UNC13C: variants seen among roughly 807,000 people sequenced by gnomAD.
The protein encoded by UNC13C is protein unc-13 homolog C.
UNC13C carries 174 observed loss-of-function variants against 245.4 expected under a neutral mutation model. The observed-to-expected ratio is 0.71, with a 90% CI of 0.63 to 0.80. UNC13C has a LOEUF of 0.80. Among genes scored for constraint, UNC13C ranks in the 30% least tolerant of loss-of-function variants. UNC13C has a pLI of 0.00. For missense variants in UNC13C, 2,829 were observed against 2,602.9 expected (o/e 1.09, Z -1.89); for synonymous variants, 992 against 895.1 (o/e 1.11, Z -1.93).
chr15:54,493,126 G>A (rs1452614014), intron 19 of UNC13C, among the ~76,000 whole-genome samples: 1 of 152,144 alleles, frequency 6.6e-6, no homozygotes, highest in East Asian at 1.9e-4. Context: ...GGGTAGTATT[G>A]TGTGAAATTT....
In UNC13C at chr15:54,038,099, C is replaced by CATATAT. The variant is rs1399556197; in HGVS notation, c.2983+22234_2983+22239dup. ...ATATGTGTGTGTGTATATACATATACATATATATATATATATATATATATA... is the reference window on the plus strand; with the variant it reads ...ATATGTGTGTGTGTATATACATATACATATATATATATATATATATATATATATATA... On this transcript the variant is annotated intron_variant, in intron 2 of 32. Transcript: ENST00000260323. Among the ~76,000 whole-genome samples the CATATAT allele has an allele frequency of 1.7e-3, 113 of 67,156 alleles. 2 individuals are homozygous for CATATAT. Among genetic ancestry groups the CATATAT allele is most frequent in the Non-Finnish European group, 2.2e-3 (88 of 40,500 alleles). 44.1% of individuals were successfully genotyped at this position (67,156 alleles called of 152,430 possible).
chr15:54,298,820 G>A (rs1432997966), intron 12 of UNC13C, among the ~76,000 whole-genome samples: 1 of 152,094 alleles, frequency 6.6e-6, no homozygotes, highest in Non-Finnish European at 1.5e-5. Flanking sequence ...TTCTTCATGT[G>A]TTTCAAAGTA....
intron 4 of UNC13C, among the ~76,000 whole-genome samples, chr15:54,177,439 C>T (rs1034297920): frequency 4.6e-5 from 7 of 152,114 alleles, no homozygotes; most frequent in African/African-American, 1.7e-4. Context: ...TCTATGAATA[C>T]ACATATGCAT....
chr15:53,918,717 C>G, the UNC13C span, among the ~76,000 whole-genome samples: 1 of 152,274 alleles, frequency 6.6e-6, no homozygotes, highest in South Asian at 2.1e-4. Flanking sequence ...TTTTCCAAGG[C>G]AAAGACAAGT....
intron 19 of UNC13C, among the ~76,000 whole-genome samples, chr15:54,483,498 TTTC>T (rs1893238652): frequency 6.6e-6 from 1 of 152,150 alleles, no homozygotes; most frequent in South Asian, 2.1e-4. Context: ...TTTCTTTTCT[TTTC>T]TTTTCTTTTT....
At chr15:53,961,639 G>C in the UNC13C span, among the ~76,000 whole-genome samples, 4 of 152,300 alleles carry the variant, frequency 2.6e-5, no homozygotes, top group South Asian at 8.3e-4. Flanking sequence ...TGAGGTTGCT[G>C]AGAGCATGTT....
chr15:53,847,083 CA>C, the UNC13C span, among the ~76,000 whole-genome samples: 2 of 152,032 alleles, frequency 1.3e-5, no homozygotes, highest in African/African-American at 4.8e-5. Context: ...ACAACAACAA[CA>C]AAAAACAACA....
chr15:53,841,931 G>T, the UNC13C span, among the ~76,000 whole-genome samples: 1 of 152,156 alleles, frequency 6.6e-6, no homozygotes. Context: ...GCTTTAGCTG[G>T]ATAGGAAGAA....
chr15:54,015,945 T>A, intron 2 of UNC13C, 59 bp downstream of exon 2: 1 of 1,358,628 alleles, frequency 7.4e-7, no homozygotes, highest in Non-Finnish European at 9.9e-7. Context: ...GGGTAGCACT[T>A]CTTTAGAGCA....
intron 17 of UNC13C, among the ~76,000 whole-genome samples, chr15:54,389,566 T>C (rs554176441): frequency 6.6e-6 from 1 of 152,240 alleles, no homozygotes; most frequent in East Asian, 1.9e-4. Flanking sequence ...TGAAGTTAGT[T>C]GAGCCCTTGT....
At chr15:54,084,185 A>C (rs2141123146) in intron 2 of UNC13C, among the ~76,000 whole-genome samples, 1 of 152,142 alleles carries the variant, frequency 6.6e-6, no homozygotes, top group South Asian at 2.1e-4. Flanking sequence ...CTCTTCCCTC[A>C]GTTTTCTCTT....
intron 19 of UNC13C, among the ~76,000 whole-genome samples, chr15:54,460,048 G>A (rs1390431832): frequency 6.6e-6 from 1 of 152,120 alleles, no homozygotes; most frequent in Non-Finnish European, 1.5e-5. Flanking sequence ...CAGATCTGCG[G>A]CTCAAACTCT....
intron 2 of UNC13C, among the ~76,000 whole-genome samples, chr15:54,045,334 TA>T (rs771526187): frequency 2.0e-5 from 3 of 152,354 alleles, no homozygotes; most frequent in South Asian, 4.1e-4. Context: ...TGAATTTGTT[TA>T]ACAACCCTGT....
intron 2 of UNC13C, among the ~76,000 whole-genome samples, chr15:54,088,040 G>A: frequency 6.6e-6 from 1 of 151,368 alleles, no homozygotes; most frequent in East Asian, 1.9e-4. Flanking sequence ...CACCTATATA[G>A]CCTACAAATC....
chr15:54,549,746 T>TTC, intron 28 of UNC13C, 55 bp downstream of exon 28: 2 of 1,109,006 alleles, frequency 1.8e-6, no homozygotes, highest in Non-Finnish European at 2.6e-6. Flanking sequence ...TAACTACAGT[T>TTC]CTGCAAGCAT....
chr15:54,067,096 C>A (rs530215849), intron 2 of UNC13C, among the ~76,000 whole-genome samples: 10 of 152,078 alleles, frequency 6.6e-5, no homozygotes, highest in African/African-American at 2.4e-4. Flanking sequence ...ATTATTAAGG[C>A]AATAATTCTT....
intron 4 of UNC13C, among the ~76,000 whole-genome samples, chr15:54,216,982 T>A (rs1294428982): frequency 1.3e-5 from 2 of 151,966 alleles, no homozygotes; most frequent in African/African-American, 4.8e-5. Flanking sequence ...ATCATCAGGT[T>A]ACTTTAGAGT....
At chr15:53,934,192 A>G in the UNC13C span, among the ~76,000 whole-genome samples, 1 of 152,198 alleles carries the variant, frequency 6.6e-6, no homozygotes, top group Admixed American at 6.5e-5. Context: ...ATGGTGCTAA[A>G]CCATTGTTGA....
the UNC13C span, among the ~76,000 whole-genome samples, chr15:53,882,470 A>C: frequency 6.6e-6 from 1 of 152,182 alleles, no homozygotes; most frequent in Non-Finnish European, 1.5e-5. Flanking sequence ...TTGTACACTT[A>C]ATTTTATAAT....
Sources: allele counts gnomAD v4.1 joint callset (sites outside exome capture counted in the v4.1 genomes callset), GRCh38; gene constraint gnomAD v4.1.1; transcripts MANE v1.5; gene names NCBI Gene and HGNC (gene_info 2026-07-23, HGNC 2026-07-21).